The following CNOT3 variants were observed in gnomAD, a reference collection of about 807,000 sequenced individuals.
CNOT3 encodes the protein CCR4-NOT transcription complex subunit 3.
CNOT3 carries 2 observed loss-of-function variants against 89.4 expected under a neutral mutation model. The observed-to-expected ratio is 0.02, with a 90% CI of 0.01 to 0.07. CNOT3 has a LOEUF of 0.07. CNOT3 is among the 10% of genes least tolerant of loss of function. CNOT3 has a pLI of 1.00. For synonymous variants in CNOT3, 486 were observed against 402.0 expected, an observed-to-expected ratio of 1.21 and a Z score of -2.50; for missense variants, 664 against 1,010.2, an observed-to-expected ratio of 0.66 and a Z score of 4.65.
At chr19:54,153,350 C>T in intron 16 of CNOT3, 1 of 763,034 alleles carries the variant, frequency 1.3e-6, no homozygotes, top group South Asian at 1.4e-5. Context: ...TCTCAGGCCT[C>T]CCTGGAGACC....
In CNOT3 at chr19:54,148,347, C is replaced by T. The variant is rs587767936; in HGVS notation, c.1094C>T (p.Ser365Leu). The T allele has an allele frequency of 2.8e-5, 44 of 1,590,330 alleles. No individual in the cohort carries two copies. The highest frequency in any genetic ancestry group is 5.2e-5 in the Admixed American group (3 of 57,230). The change falls in exon 11 of 18, where the codon TCG becomes TTG. Residue 365 changes from serine (S) to leucine (L), a missense_variant. By Grantham distance (145) the Ser-to-Leu change is moderately radical. This residue lies in a region of CNOT3 where 545 missense variants were observed against 566.2 expected (regional missense o/e 0.96). Transcript: ENST00000221232. The surrounding 1 kb of genome is among the most constrained non-coding windows in gnomAD (Gnocchi z 6.3). ...GCCAGTCCAGCTCCCAGCCACAACT[C>T]GGGCACCCCTGCTCCCTATGCCCAG... ...PKASPAPSHN[S>L]GTPAPYAQAV...
chr19:54,151,116 A>G (rs1397761081), intron 13 of CNOT3, among the ~76,000 whole-genome samples: 2 of 152,076 alleles, frequency 1.3e-5, no homozygotes, highest in African/African-American at 4.8e-5. Flanking sequence ...GGTGGACAGG[A>G]TATTTATAGT....
At chr19:54,143,342 TGG>T in intron 3 of CNOT3, 98 bp from the exon 4 acceptor site, 1 of 946,678 alleles carries the variant, frequency 1.1e-6, no homozygotes, top group Non-Finnish European at 1.6e-6. Context: ...GGGTAGGGGT[TGG>T]GGGGGGTCCT....
At chr19:54,143,855 A>C in intron 5 of CNOT3, 106 bp downstream of exon 5, 1 of 1,468,186 alleles carries the variant, frequency 6.8e-7, no homozygotes, top group Non-Finnish European at 9.3e-7. Context: ...CCTCAAGAGA[A>C]GTAAGGTTTC....
chr19:54,152,711 A>G (rs1600502230), intron 15 of CNOT3, 85 bp downstream of exon 15: 3 of 1,209,070 alleles, frequency 2.5e-6, no homozygotes, highest in South Asian at 1.3e-5. Flanking sequence ...CTGTGGGTAG[A>G]GCACCAGGCC....
chr19:54,152,226 G>T lies in CNOT3; in HGVS notation c.1606G>T (p.Ala536Ser). 1 of 1,614,048 alleles carries T rather than the reference G, an allele frequency of 6.2e-7. No homozygotes were observed. The highest frequency in any genetic ancestry group is 8.5e-7 in the Non-Finnish European group (1 of 1,180,004). ...PQFSTAPEIK[A>S]PEPLSSLKSM... ...GCCAGGCCTCTTGTTTCCTCCCCAG[G>T]CCCCTGAGCCTCTGAGCTCCTTGAA... is the stretch of plus-strand genomic sequence containing the variant. Residue 536 changes from alanine to serine, a missense_variant and splice_region_variant, in exon 14 of 18, where the codon GCC becomes TCC. Physicochemically the swap from Ala to Ser is moderately conservative, Grantham distance 99. This residue lies in a region of CNOT3 where 545 missense variants were observed against 566.2 expected (regional missense o/e 0.96). Coordinates refer to ENST00000221232, the MANE Select transcript of CNOT3 (RefSeq NM_014516.4).
At chr19:54,143,371 G>A in intron 3 of CNOT3, 71 bp from the exon 4 acceptor site, 1 of 1,510,886 alleles carries the variant, frequency 6.6e-7, no homozygotes, top group Non-Finnish European at 9.2e-7. Flanking sequence ...CCTAGCATAA[G>A]GAAGAATCAC....
chr19:54,143,548 C>T (rs761259568), intron 4 of CNOT3, 32 bp downstream of exon 4: 5 of 1,611,626 alleles, frequency 3.1e-6, no homozygotes, highest in South Asian at 1.1e-5. Context: ...ACGCCTTTGT[C>T]CTGAGGGTAG....
rs1224049863 is a variant in CNOT3 at position 54,143,114 on chromosome 19, G to A, written c.26-5G>A. 1.2e-6 allele frequency: 2 copies of A among 1,613,942 alleles called. No homozygotes were observed. The highest frequency in any genetic ancestry group is 4.5e-5 in the East Asian group (2 of 44,888). ...ATTCTCACAGCCTTGTTCCTCCCTG[G>A]CCAGGTGAGATTGATCGCTGCCTCA... On this transcript the variant is annotated splice_polypyrimidine_tract_variant and splice_region_variant and intron_variant, in intron 2 of 17. Coordinates refer to ENST00000221232, the MANE Select transcript of CNOT3 (RefSeq NM_014516.4).
Position 54,144,017 on chromosome 19 carries a change from G to A in CNOT3, c.270G>A (p.Arg90=). The A allele has an allele frequency of 6.3e-7, 1 of 1,595,554 alleles. No individual in the cohort carries two copies. The highest frequency in any genetic ancestry group is 8.5e-7 in the Non-Finnish European group (1 of 1,175,216). Residue 90 remains arginine, a synonymous_variant, in exon 6 of 18, where the codon CGG becomes CGA. Transcript: ENST00000221232. The surrounding 1 kb of genome is among the most constrained non-coding windows in gnomAD (Gnocchi z 4.8). The part of the protein sequence containing the change: ...NRKLIETQME[R]FKVVERETKT... ...TGCACTCTCTACAGCAAATGGAACG[G>A]TTCAAAGTTGTGGAACGAGAGACCA...
chr19:54,149,807 T>C (rs937295944), intron 13 of CNOT3, 49 bp downstream of exon 13: 15 of 1,522,232 alleles, frequency 9.9e-6, no homozygotes, highest in Non-Finnish European at 1.2e-5. Flanking sequence ...ACTCTGTTGT[T>C]TCTTTCCTCC....
In CNOT3 at chr19:54,153,726, A is replaced by C. The variant is rs1328622541; in HGVS notation, c.2049A>C (p.Ala683=). The C allele has an allele frequency of 1.4e-5, 23 of 1,613,602 alleles. No individual in the cohort carries two copies. Among genetic ancestry groups the C allele is most frequent in the Admixed American group, 3.3e-5 (2 of 59,980 alleles). The change falls in exon 17 of 18, where the codon GCA becomes GCC. Residue 683 remains alanine, a synonymous_variant. Transcript: ENST00000221232. ...TGTTCCTCCCCCAGGGCACTAAGGC[A>C]CAGTATCTGGCAGCCAAGGCCCTAA... The part of the protein sequence containing the change: ...FIFYYLEGTK[A]QYLAAKALKK...
intron 10 of CNOT3, among the ~76,000 whole-genome samples, chr19:54,147,775 C>T (rs587756924): frequency 7.9e-5 from 12 of 152,314 alleles, no homozygotes; most frequent in Admixed American, 5.2e-4. Flanking sequence ...GGACATTAGG[C>T]GGCTCCAGCT....
chr19:54,154,384 C>CTA (rs1438107276), intron 17 of CNOT3: 4 of 237,802 alleles, frequency 1.7e-5, no homozygotes, highest in Non-Finnish European at 2.6e-5. Flanking sequence ...CGACTCTAGG[C>CTA]AAGTCACTCG....
intron 5 of CNOT3, 103 bp from the exon 6 acceptor site, chr19:54,143,903 C>G (rs2074554689): frequency 1.3e-6 from 2 of 1,525,004 alleles, no homozygotes; most frequent in Admixed American, 2.1e-5. Context: ...GGACTCAGAG[C>G]TCAGAAAGTA....
At chr19:54,138,439 C>T (rs1201291757) in intron 1 of CNOT3, among the ~76,000 whole-genome samples, 1 of 152,096 alleles carries the variant, frequency 6.6e-6, no homozygotes, top group Non-Finnish European at 1.5e-5. Flanking sequence ...GCCTGCCCCC[C>T]TCGGCCTCGG....
In CNOT3 at chr19:54,143,199, A is replaced by G. The variant is rs368416762; in HGVS notation, c.93+13A>G. 183 of 1,610,822 alleles carry G rather than the reference A, an allele frequency of 1.1e-4. No individual in the cohort carries two copies. The African/African-American group carries it at 1.2e-3, about 10-fold the overall frequency. On this transcript the variant is annotated intron_variant, in intron 3 of 17. Coordinates refer to ENST00000221232, the MANE Select transcript of CNOT3 (RefSeq NM_014516.4). Reference sequence around the variant, plus strand: ...TATTTGGCAGAAGGTACAGGGGCTGAGACCCTAATAATCTGGGTCTTCAGA... The same window carrying G: ...TATTTGGCAGAAGGTACAGGGGCTGGGACCCTAATAATCTGGGTCTTCAGA...
At chr19:54,155,241 C>G (rs1037441596) in intron 17 of CNOT3, 68 bp from the exon 18 acceptor site, 40 of 1,586,262 alleles carry the variant, frequency 2.5e-5, no homozygotes, top group Non-Finnish European at 3.2e-5. Context: ...TCCCCTTTGT[C>G]TGTTGGTCCG....
intron 12 of CNOT3, 116 bp from the exon 13 acceptor site, chr19:54,149,444 C>T (rs1481129434): frequency 1.7e-6 from 1 of 578,754 alleles, no homozygotes; most frequent in Non-Finnish European, 2.9e-6. Flanking sequence ...CCCTCACCTG[C>T]CCCTCTCAGA....
Sources: allele counts gnomAD v4.1 joint callset (sites outside exome capture counted in the v4.1 genomes callset), GRCh38; gene constraint gnomAD v4.1.1; regional missense constraint gnomAD v4.1.1; non-coding constraint Gnocchi (gnomAD v3.1); transcripts MANE v1.5; gene names NCBI Gene and HGNC (gene_info 2026-07-23, HGNC 2026-07-21).